The following MARK3 variants were observed in gnomAD, a reference collection of about 807,000 sequenced individuals.
The protein encoded by MARK3 is MAP/microtubule affinity-regulating kinase 3.
MARK3 carries 46 observed loss-of-function variants against 90.1 expected under a neutral mutation model. The observed-to-expected ratio is 0.51, with a 90% CI of 0.40 to 0.65. MARK3 has a LOEUF of 0.65. Ranked by LOEUF, MARK3 falls within the 30% of genes least tolerant of loss-of-function variation. The pLI is 0.00. For missense variants in MARK3, 818 were observed against 947.2 expected, an observed-to-expected ratio of 0.86 and a Z score of 1.79; for synonymous variants, 321 against 332.6, an observed-to-expected ratio of 0.97 and a Z score of 0.38.
intron 2 of MARK3, among the ~76,000 whole-genome samples, chr14:103,406,635 C>G (rs1476451727): frequency 6.7e-6 from 1 of 148,430 alleles, no homozygotes; most frequent in Middle Eastern, 3.5e-3. Context: ...CAGAGTCTCA[C>G]TCTGTCACCC....
intron 14 of MARK3, chr14:103,489,593 AC>A (rs1468164306): frequency 2.0e-5 from 3 of 152,328 alleles, no homozygotes; most frequent in African/African-American, 7.2e-5. Context: ...CAGATGGGCC[AC>A]CTGAAGAGCT....
chr14:103,444,194 A>C (rs2092935037), intron 3 of MARK3, among the ~76,000 whole-genome samples: 3 of 146,672 alleles, frequency 2.0e-5, no homozygotes, highest in African/African-American at 5.1e-5. Flanking sequence ...GACAACCCCC[A>C]GGTCTTGGCT....
chr14:103,437,393 C>CAA (rs577184676), intron 3 of MARK3, among the ~76,000 whole-genome samples: 1 of 139,090 alleles, frequency 7.2e-6, no homozygotes, highest in African/African-American at 2.6e-5. Flanking sequence ...GACTCCGTCT[C>CAA]AAAAAAAAAA....
In MARK3 at chr14:103,503,086, G is replaced by T. The variant is rs202194062; in HGVS notation, c.2121G>T (p.Ala707=). 1 of 1,614,188 alleles carries T rather than the reference G, an allele frequency of 6.2e-7. No individual in the cohort carries two copies. The highest frequency in any genetic ancestry group is 1.3e-5 in the African/African-American group (1 of 75,030). ...LLFCVHGDGH[A]ENLVQWEMEV... is the part of the protein sequence containing the mutation. ...TCTGCGTCCACGGAGATGGGCACGCGGAGAACCTCGTGCAGTGGGAAATGG... is the reference window on the plus strand; with the variant it reads ...TCTGCGTCCACGGAGATGGGCACGCTGAGAACCTCGTGCAGTGGGAAATGG... Residue 707 remains alanine (A), a synonymous_variant, in exon 18 of 18, where the codon GCG becomes GCT. Coordinates refer to ENST00000429436, the MANE Select transcript of MARK3 (RefSeq NM_001128918.3).
At chr14:103,463,552 G>C (rs12436729) in intron 7 of MARK3, among the ~76,000 whole-genome samples, 50,455 of 152,038 alleles carry the variant, frequency 0.33, 8,745 homozygotes, top group East Asian at 0.5. Context: ...TTACTCTCCT[G>C]TGCTACCCAC....
intron 1 of MARK3, among the ~76,000 whole-genome samples, chr14:103,390,530 A>G (rs2090166574): frequency 6.6e-6 from 1 of 152,170 alleles, no homozygotes; most frequent in African/African-American, 2.4e-5. Flanking sequence ...ACATTGGAAG[A>G]ATTGTCTTGG....
At chr14:103,444,588 C>G (rs2092946292) in intron 3 of MARK3, among the ~76,000 whole-genome samples, 1 of 152,090 alleles carries the variant, frequency 6.6e-6, no homozygotes, top group South Asian at 2.1e-4. Context: ...ACCATCCTGG[C>G]TAACATGGTG....
chr14:103,485,063 C>CAAAAAAAAAAAAAAAAAAAAAAAAAAAAA (rs34312214), intron 14 of MARK3, among the ~76,000 whole-genome samples: 1 of 97,750 alleles, frequency 1.0e-5, no homozygotes, highest in Admixed American at 1.1e-4. Context: ...ACTAAAAATA[C>CAAAAAAAAAAAAAAAAAAAAAAAAAAAAA]AAAAAAAAAA....
chr14:103,498,417 C>G lies in MARK3; in HGVS notation c.1845-85C>G, dbSNP rs939700583. On this transcript the variant is annotated intron_variant, in intron 15 of 17. Transcript: ENST00000429436. ...GAACCCTGCTTTGTTTTTTTTCTTTCTCTCTGTAATTGATTAGATTTTCTG... is the reference window on the plus strand; with the variant it reads ...GAACCCTGCTTTGTTTTTTTTCTTTGTCTCTGTAATTGATTAGATTTTCTG... 26 of 951,794 alleles carry G rather than the reference C, an allele frequency of 2.7e-5. No homozygotes were observed. The South Asian group carries it at 5.1e-4, about 19-fold the overall frequency. 59.0% of individuals were successfully genotyped at this position (951,794 alleles called of 1,614,324 possible). A position where few individuals can be genotyped will look rare whatever the true frequency, so the allele number is the denominator to read the frequency against.
intron 12 of MARK3, among the ~76,000 whole-genome samples, chr14:103,471,140 G>A (rs1022929303): frequency 6.6e-6 from 1 of 152,062 alleles, no homozygotes; most frequent in African/African-American, 2.4e-5. Flanking sequence ...GGACCACATG[G>A]CAATTAAATG....
chr14:103,442,465 C>T lies in MARK3; in HGVS notation c.298-6454C>T, dbSNP rs539587506. 2.6e-5 allele frequency among the ~76,000 whole-genome samples: 4 copies of T among 152,006 alleles called. No individual in the cohort carries two copies. In the South Asian group the frequency reaches 8.3e-4, roughly 32 times the overall value. ...TAACAGCTGTGTGCTAGGATATTAT[C>T]GTCATAACTATTCCAATGTGTGATG... On this transcript the variant is annotated intron_variant, in intron 3 of 17. Coordinates refer to ENST00000429436, the MANE Select transcript of MARK3 (RefSeq NM_001128918.3).
intron 1 of MARK3, among the ~76,000 whole-genome samples, chr14:103,400,085 T>G (rs186116469): frequency 3.8e-4 from 58 of 152,190 alleles, no homozygotes; most frequent in African/African-American, 1.4e-3. Flanking sequence ...TGTGCCACCA[T>G]GCCTGGCTAA....
intron 2 of MARK3, among the ~76,000 whole-genome samples, chr14:103,410,923 TTTTC>T (rs765603589): frequency 6.6e-6 from 1 of 152,194 alleles, no homozygotes; most frequent in Non-Finnish European, 1.5e-5. Flanking sequence ...CATTTAATCT[TTTTC>T]TTTATTACAT....
chr14:103,388,982 C>T (rs1333563083), intron 1 of MARK3, among the ~76,000 whole-genome samples: 1 of 151,942 alleles, frequency 6.6e-6, no homozygotes, highest in Non-Finnish European at 1.5e-5. Context: ...TGTAAAAATA[C>T]TTTTTATTGT....
rs138864133 is a variant in MARK3 at position 103,456,069 on chromosome 14, G to A, written c.413-1073G>A. On this transcript the variant is annotated intron_variant, in intron 5 of 17. Coordinates refer to ENST00000429436, the MANE Select transcript of MARK3 (RefSeq NM_001128918.3). ...GTGCTAATAATATATTCCTTGAAGT[G>A]TCACCTTTCTTCCCTAAATAATTAA... 2.0e-5 allele frequency among the ~76,000 whole-genome samples: 3 copies of A among 152,236 alleles called. No individual in the cohort carries two copies. In the East Asian group the frequency reaches 5.8e-4, roughly 29 times the overall value.
chr14:103,486,969 G>GTT (rs2093941105), intron 14 of MARK3, among the ~76,000 whole-genome samples: 1 of 151,758 alleles, frequency 6.6e-6, no homozygotes, highest in African/African-American at 2.4e-5. Context: ...CCAGACTGGA[G>GTT]TTTAGTGGCA....
At chr14:103,435,630 A>G (rs2092697544) in intron 3 of MARK3, among the ~76,000 whole-genome samples, 1 of 151,548 alleles carries the variant, frequency 6.6e-6, no homozygotes, top group South Asian at 2.1e-4. Flanking sequence ...GGATGGTCTC[A>G]ATCTCCTGAC....
intron 2 of MARK3, chr14:103,417,212 GCAT>G (rs368859723): frequency 0.97 from 147,027 of 152,198 alleles, 71,186 homozygotes; most frequent in East Asian, 1. Flanking sequence ...CACCCCAGGA[GCAT>G]TGTTATACAA....
chr14:103,503,399 C>T lies in MARK3; in HGVS notation c.*172C>T, dbSNP rs2075775237. 1.6e-6 allele frequency: 1 copy of T among 642,780 alleles called. No individual in the cohort carries two copies. Among genetic ancestry groups the T allele is most frequent in the South Asian group, 2.0e-5 (1 of 49,356 alleles). 39.8% of individuals were successfully genotyped at this position (642,780 alleles called of 1,614,324 possible). A position where few individuals can be genotyped will look rare whatever the true frequency, so the allele number is the denominator to read the frequency against. On this transcript the variant is annotated 3_prime_UTR_variant, in exon 18 of 18. Coordinates refer to ENST00000429436, the MANE Select transcript of MARK3 (RefSeq NM_001128918.3). The stretch of plus-strand genomic sequence containing the variant: ...AAAGCTGGCCTTTTTTCTACGAATG[C>T]ACTACATTAAAGATGTGCAACCTAT...
Sources: allele counts gnomAD v4.1 joint callset (sites outside exome capture counted in the v4.1 genomes callset), GRCh38; gene constraint gnomAD v4.1.1; transcripts MANE v1.5; gene names NCBI Gene and HGNC (gene_info 2026-07-23, HGNC 2026-07-21).